The following ZNF469 variants were observed in gnomAD, a reference collection of about 807,000 sequenced individuals.
ZNF469 encodes zinc finger protein 469.
A neutral mutation model predicts 1.0 loss-of-function variants in ZNF469; 1 was observed. That is an observed-to-expected ratio of 1.00 (90% confidence interval 0.35 to 4.73). The LOEUF (loss-of-function observed/expected upper bound fraction) is 4.73. Among genes scored for constraint, ZNF469 ranks in the 30% most tolerant of loss-of-function variants. The pLI, the probability that ZNF469 is intolerant of heterozygous loss-of-function variation, is 0.16. For missense variants in ZNF469, 6,100 were observed against 5,356.3 expected (o/e 1.14, Z -4.33); for synonymous variants, 2,703 against 2,363.4 (o/e 1.14, Z -4.17).
intron 1 of ZNF469, among the ~76,000 whole-genome samples, chr16:88,401,678 C>A (rs1272778167): frequency 1.9e-5 from 2 of 106,004 alleles, no homozygotes; most frequent in African/African-American, 3.4e-5. Context: ...TGGGTGAGTG[C>A]ATGGATGGAT....
chr16:88,397,727 A>C (rs1051180117), intron 1 of ZNF469, among the ~76,000 whole-genome samples: 3 of 152,198 alleles, frequency 2.0e-5, no homozygotes, highest in African/African-American at 2.4e-5. Context: ...AGAGAGAGAG[A>C]GAGATTCTCC....
At chr16:88,395,976 C>A (rs947940333) in intron 1 of ZNF469, among the ~76,000 whole-genome samples, 1 of 152,246 alleles carries the variant, frequency 6.6e-6, no homozygotes, top group Non-Finnish European at 1.5e-5. Context: ...GCAGGTGACG[C>A]CCTCCCAGCC....
chr16:88,190,685 G>A, the ZNF469 span, among the ~76,000 whole-genome samples: 2 of 152,330 alleles, frequency 1.3e-5, no homozygotes, highest in Non-Finnish European at 1.5e-5. Context: ...CTGAGATAGA[G>A]GCTAAGCTGA....
chr16:88,266,357 C>T, the ZNF469 span, among the ~76,000 whole-genome samples: 1 of 152,248 alleles, frequency 6.6e-6, no homozygotes, highest in Non-Finnish European at 1.5e-5. Flanking sequence ...GCCGCTCCGG[C>T]TGAGCTTCCA....
At chr16:88,112,953 C>T in the ZNF469 span, among the ~76,000 whole-genome samples, 6 of 151,682 alleles carry the variant, frequency 4.0e-5, no homozygotes, top group East Asian at 5.8e-4. Context: ...AATTTTTTTG[C>T]ATTTTTAGTA....
chr16:88,305,179 G>C, the ZNF469 span, among the ~76,000 whole-genome samples: 1 of 152,190 alleles, frequency 6.6e-6, no homozygotes, highest in Non-Finnish European at 1.5e-5. Flanking sequence ...GCCACACTGA[G>C]GGGATGTCTG....
the ZNF469 span, among the ~76,000 whole-genome samples, chr16:88,305,644 A>C: frequency 2.0e-5 from 3 of 151,956 alleles, no homozygotes; most frequent in Non-Finnish European, 2.9e-5. Context: ...TCTCACAGGC[A>C]CACACGCATG....
the ZNF469 span, among the ~76,000 whole-genome samples, chr16:88,183,493 C>A: frequency 6.6e-6 from 1 of 152,180 alleles, no homozygotes; most frequent in African/African-American, 2.4e-5. Flanking sequence ...ACGGGTCCCG[C>A]GAAGCCTGCT....
chr16:88,427,647 G>A lies in ZNF469; in HGVS notation c.177G>A (p.Glu59=), dbSNP rs1199760719. Residue 59 remains glutamate (E), a synonymous_variant, in exon 3 of 3, where the codon GAG becomes GAA. Coordinates refer to ENST00000565624, the MANE Select transcript of ZNF469 (RefSeq NM_001367624.2). ...REAGGQAQAM[E]LPEAQPRQAR... is the part of the protein sequence containing the mutation. ...CTGGCGGCCAGGCCCAGGCCATGGA[G>A]CTCCCCGAGGCCCAGCCAAGGCAGG... 1 of 1,536,840 alleles carries A rather than the reference G, an allele frequency of 6.5e-7. No individual in the cohort carries two copies. Among genetic ancestry groups the A allele is most frequent in the Non-Finnish European group, 8.7e-7 (1 of 1,145,936 alleles).
rs1448205833 is a variant in ZNF469 at position 88,434,372 on chromosome 16, G to A, written c.6902G>A (p.Arg2301Lys). Reference sequence around the variant, plus strand: ...ACCGGAGATGAGGCACAGGCAGGCAGGGGACTCCCAGGGCCAGACCCCCAG... The same window carrying A: ...ACCGGAGATGAGGCACAGGCAGGCAAGGGACTCCCAGGGCCAGACCCCCAG... ...TPTGDEAQAG[R>K]GLPGPDPQSR... is the part of the protein sequence containing the mutation. The change falls in exon 3 of 3, where the codon AGG becomes AAG. Residue 2301 changes from arginine (R) to lysine (K), a missense_variant. Coordinates refer to ENST00000565624, the MANE Select transcript of ZNF469 (RefSeq NM_001367624.2). 1 of 1,549,920 alleles carries A rather than the reference G, an allele frequency of 6.5e-7. No homozygotes were observed. The highest frequency in any genetic ancestry group is 8.7e-7 in the Non-Finnish European group (1 of 1,146,958).
At chr16:88,401,901 TGGATGGAG>T (rs1599350935) in intron 1 of ZNF469, among the ~76,000 whole-genome samples, 5 of 133,496 alleles carry the variant, frequency 3.7e-5, no homozygotes, top group East Asian at 2.1e-4. Context: ...GGTGAGTGGA[TGGATGGAG>T]GGATGGATGG....
At chr16:88,378,322 C>G (rs892055469), upstream of ZNF469, among the ~76,000 whole-genome samples, 3 of 152,236 alleles carry the variant, frequency 2.0e-5, no homozygotes, top group African/African-American at 7.2e-5. Context: ...GTCTACTCAG[C>G]AAAGTCCACG....
chr16:88,439,710 T>C lies in ZNF469; in HGVS notation c.*378T>C, dbSNP rs535069029. On this transcript the variant is annotated 3_prime_UTR_variant, in exon 3 of 3. Coordinates refer to ENST00000565624, the MANE Select transcript of ZNF469 (RefSeq NM_001367624.2). ...TTGCACAACCTCCCGTTCCCCCACA[T>C]GGAGAAGGGAAGTAAGTTGAGGCAG... is the stretch of plus-strand genomic sequence containing the variant. 1 of 294,948 alleles carries C rather than the reference T, an allele frequency of 3.4e-6. No individual in the cohort carries two copies. Among genetic ancestry groups the C allele is most frequent in the Non-Finnish European group, 6.5e-6 (1 of 154,450 alleles). 18.3% of individuals were successfully genotyped at this position (294,948 alleles called of 1,614,324 possible).
the ZNF469 span, among the ~76,000 whole-genome samples, chr16:88,325,623 G>A: frequency 7.2e-5 from 11 of 152,238 alleles, no homozygotes; most frequent in African/African-American, 2.7e-4. Flanking sequence ...AAGGGCCTCT[G>A]CCACTTAGGG....
intron 1 of ZNF469, among the ~76,000 whole-genome samples, chr16:88,406,043 G>A (rs1476849999): frequency 1.3e-5 from 2 of 152,242 alleles, no homozygotes; most frequent in African/African-American, 4.8e-5. Context: ...CTGGAAGGTG[G>A]CGGGAGCCAG....
intron 1 of ZNF469, among the ~76,000 whole-genome samples, chr16:88,384,081 G>C (rs1173943525): frequency 6.6e-6 from 1 of 152,234 alleles, no homozygotes; most frequent in Non-Finnish European, 1.5e-5. Flanking sequence ...CAGCGGAGGC[G>C]GTTAACTGCT....
chr16:88,371,611 A>C, the ZNF469 span, among the ~76,000 whole-genome samples: 1 of 152,208 alleles, frequency 6.6e-6, no homozygotes, highest in East Asian at 1.9e-4. Context: ...GACAAAATGC[A>C]TTCACACTCA....
the ZNF469 span, among the ~76,000 whole-genome samples, chr16:88,325,543 A>G: frequency 0.55 from 84,260 of 152,216 alleles, 23,822 homozygotes; most frequent in African/African-American, 0.6. Flanking sequence ...TGGTGGCGCC[A>G]AGCCCAGCAT....
chr16:88,396,598 G>A (rs78752024), intron 1 of ZNF469, among the ~76,000 whole-genome samples: 39,686 of 141,840 alleles, frequency 0.28, 5,742 homozygotes, highest in Non-Finnish European at 0.33. Context: ...GAGGCCGGGC[G>A]GAGACCCATC....
Sources: gnomAD v4.1 joint callset for allele counts (sites outside exome capture counted in the v4.1 genomes callset) on GRCh38, gnomAD v4.1.1 for gene constraint, MANE v1.5 for transcripts, NCBI Gene and HGNC (gene_info 2026-07-23, HGNC 2026-07-21) for gene names.